DAB2IP: variants seen among roughly 807,000 people sequenced by gnomAD.
The protein encoded by DAB2IP is DAB2 interacting protein.
DAB2IP carries 28 observed loss-of-function variants against 107.2 expected under a neutral mutation model. That is an observed-to-expected ratio of 0.26 (90% CI 0.19 to 0.36). DAB2IP has a LOEUF of 0.36. Ranked by LOEUF, DAB2IP falls within the 10% of genes least tolerant of loss-of-function variation. The pLI, the probability that DAB2IP is intolerant of heterozygous loss-of-function variation, is 1.00. For synonymous variants in DAB2IP, 755 were observed against 706.4 expected (o/e 1.07, Z -1.09); for missense variants, 1,400 against 1,644.7 (o/e 0.85, Z 2.57).
intron 3 of DAB2IP, among the ~76,000 whole-genome samples, chr9:121,721,710 A>C (rs188407500): frequency 3.3e-5 from 5 of 152,362 alleles, no homozygotes; most frequent in Middle Eastern, 3.4e-3. Flanking sequence ...TGTGTGGGCT[A>C]AACAAAACAT....
chr9:121,606,557 CT>C, intron 1 of DAB2IP, among the ~76,000 whole-genome samples: 1 of 152,280 alleles, frequency 6.6e-6, no homozygotes, highest in South Asian at 2.1e-4. Context: ...CCTGACTCCC[CT>C]CACTCCAGGT....
chr9:121,599,006 C>T lies in DAB2IP; in HGVS notation c.40+31778C>T, dbSNP rs1830599045. On this transcript the variant is annotated intron_variant, in intron 1 of 16. Transcript: ENST00000259371. The surrounding 1 kb of genome is among the most constrained non-coding windows in gnomAD (Gnocchi z 6.9). ...TCTGTTGGTGGGAGTGCTGGGGTGC[C>T]TTCCCTGTGACACCCCGCACTGTCC... Among the ~76,000 whole-genome samples the T allele has an allele frequency of 6.6e-6, 1 of 152,176 alleles. No homozygotes were observed. The highest frequency in any genetic ancestry group is 2.1e-4 in the South Asian group (1 of 4,832).
intron 1 of DAB2IP, among the ~76,000 whole-genome samples, chr9:121,572,813 G>T (rs2118886653): frequency 6.6e-6 from 1 of 152,248 alleles, no homozygotes; most frequent in East Asian, 1.9e-4. Flanking sequence ...AGCCCGCTGG[G>T]ATAAACCCTC....
chr9:121,635,305 C>G lies in DAB2IP; in HGVS notation c.41-43373C>G, dbSNP rs929099378. 5.9e-5 allele frequency among the ~76,000 whole-genome samples: 9 copies of G among 152,168 alleles called. No homozygotes were observed. Among genetic ancestry groups the G allele is most frequent in the East Asian group, 1.9e-4 (1 of 5,190 alleles). Reference sequence around the variant, plus strand: ...AATTTCCAGGCTCTTTCAGACCCCCCACAAACTCATTTCAGTCTCCAACAT... The same window carrying G: ...AATTTCCAGGCTCTTTCAGACCCCCGACAAACTCATTTCAGTCTCCAACAT... On this transcript the variant is annotated intron_variant, in intron 1 of 16. Coordinates refer to the DAB2IP transcript ENST00000259371. This position sits in a 1 kb window ranked among gnomAD's most constrained non-coding sequence, Gnocchi z 4.3.
chr9:121,595,581 T>G (rs1003553406), intron 1 of DAB2IP, among the ~76,000 whole-genome samples: 9 of 141,080 alleles, frequency 6.4e-5, no homozygotes, highest in Admixed American at 3.8e-4. Flanking sequence ...CCAGCCTGGT[T>G]GAAAGAGAGA....
At chr9:121,715,614 A>G (rs1037394753) in intron 3 of DAB2IP, among the ~76,000 whole-genome samples, 1 of 151,964 alleles carries the variant, frequency 6.6e-6, no homozygotes. Flanking sequence ...CGGCCTCCCA[A>G]AGTGCTGGGA....
chr9:121,584,767 G>T, intron 1 of DAB2IP, among the ~76,000 whole-genome samples: 1 of 152,218 alleles, frequency 6.6e-6, no homozygotes, highest in Admixed American at 6.5e-5. Context: ...GCTGGAGGGG[G>T]ATTTGTGGGA....
At chr9:121,763,096 C>G (rs1834007825) in intron 6 of DAB2IP, among the ~76,000 whole-genome samples, 1 of 152,254 alleles carries the variant, frequency 6.6e-6, no homozygotes, top group African/African-American at 2.4e-5. Flanking sequence ...TACCATGAGA[C>G]AGGGCAGCCT....
At chr9:121,588,857 G>A (rs1830365603) in intron 1 of DAB2IP, among the ~76,000 whole-genome samples, 1 of 151,676 alleles carries the variant, frequency 6.6e-6, no homozygotes, top group Admixed American at 6.6e-5. Context: ...CTTCAGCAGA[G>A]GCAACCCCCA....
chr9:121,664,758 G>A (rs1833348885), intron 1 of DAB2IP, among the ~76,000 whole-genome samples: 1 of 152,304 alleles, frequency 6.6e-6, no homozygotes, highest in Non-Finnish European at 1.5e-5. Context: ...CCATGGCGTA[G>A]CAGATGGAAT....
At chr9:121,751,416 C>G (rs1294863346) in intron 3 of DAB2IP, 1 of 153,122 alleles carries the variant, frequency 6.5e-6, no homozygotes, top group Non-Finnish European at 1.5e-5. Context: ...TGGCCCTGAG[C>G]CGGGCTTAGG....
At chr9:121,609,501 T>C (rs933267244) in intron 1 of DAB2IP, among the ~76,000 whole-genome samples, 7 of 152,202 alleles carry the variant, frequency 4.6e-5, no homozygotes, top group Non-Finnish European at 1.0e-4. Context: ...TCTCCAGGCA[T>C]CCTGCACTGA....
At position 121,675,970 on chromosome 9, in the gene DAB2IP, G is replaced by A. The variant is rs369492488; in HGVS notation, c.125-2708G>A. On this transcript the variant is annotated intron_variant, in intron 1 of 15. Transcript: ENST00000408936. ...TGTGACTAGAGAGATTGTGGAGGAGGAGGTCCAAGGAAAGTTCTAAGCAGG... is the reference window on the plus strand; with the variant it reads ...TGTGACTAGAGAGATTGTGGAGGAGAAGGTCCAAGGAAAGTTCTAAGCAGG... 3.9e-5 allele frequency among the ~76,000 whole-genome samples: 6 copies of A among 152,240 alleles called. No individual in the cohort carries two copies. In the East Asian group the frequency reaches 1.2e-3, roughly 29 times the overall value.
intron 1 of DAB2IP, among the ~76,000 whole-genome samples, chr9:121,640,890 G>T (rs1352356759): frequency 9.9e-5 from 15 of 152,166 alleles, no homozygotes; most frequent in Admixed American, 9.8e-4. Flanking sequence ...AGGGCAATGG[G>T]GGGCTGGTTT....
chr9:121,639,969 C>T (rs1477085043), intron 1 of DAB2IP, among the ~76,000 whole-genome samples: 1 of 152,156 alleles, frequency 6.6e-6, no homozygotes, highest in Non-Finnish European at 1.5e-5. Context: ...TAACCCACAT[C>T]CCAGGGGACT....
upstream of DAB2IP, among the ~76,000 whole-genome samples, chr9:121,648,638 C>T (rs1306608210): frequency 1.3e-5 from 2 of 152,162 alleles, no homozygotes; most frequent in Non-Finnish European, 2.9e-5. Flanking sequence ...CTGAATTGAG[C>T]GTCTTGAGGG....
chr9:121,779,632 G>A (rs190196888), intron 14 of DAB2IP, among the ~76,000 whole-genome samples: 43 of 152,346 alleles, frequency 2.8e-4, no homozygotes, highest in Middle Eastern at 6.8e-3. Context: ...TGCTCTGAGG[G>A]GGTTTCCTTC....
At chr9:121,601,591 C>T (rs895014203) in intron 1 of DAB2IP, among the ~76,000 whole-genome samples, 2 of 152,218 alleles carry the variant, frequency 1.3e-5, no homozygotes, top group African/African-American at 4.8e-5. Flanking sequence ...ATTCAACACA[C>T]AGGCACTGAG....
rs572664349 is a variant in DAB2IP, at chr9:121,763,108, A to G, written c.1171-397A>G. ...TCTTACCATGAGACAGGGCAGCCTC[A>G]TTTGTCCTCTTTGGCACTGATGGTG... On this transcript the variant is annotated intron_variant, in intron 6 of 15. Coordinates refer to ENST00000408936, the Ensembl canonical transcript of DAB2IP. 2.6e-5 allele frequency among the ~76,000 whole-genome samples: 4 copies of G among 152,242 alleles called. No individual in the cohort carries two copies. The South Asian group carries it at 8.3e-4, about 32-fold the overall frequency.
Sources: allele counts gnomAD v4.1 joint callset (sites outside exome capture counted in the v4.1 genomes callset), GRCh38; gene constraint gnomAD v4.1.1; non-coding constraint Gnocchi (gnomAD v3.1); transcripts MANE v1.5; gene names NCBI Gene and HGNC (gene_info 2026-07-23, HGNC 2026-07-21).